The following CAB39L variants were observed in gnomAD, a reference collection of about 807,000 sequenced individuals.
The protein encoded by CAB39L is calcium binding protein 39 like.
A neutral mutation model predicts 39.1 loss-of-function variants in CAB39L; 23 were observed. The observed-to-expected ratio is 0.59, with a 90% CI of 0.42 to 0.83. The LOEUF is 0.83. Ranked by LOEUF, CAB39L falls within the 40% of genes least tolerant of loss-of-function variation. The probability of loss-of-function intolerance (pLI) is 0.00; values close to 1 mark genes in which losing one functional copy is unlikely to be tolerated. For synonymous variants in CAB39L, 126 were observed against 137.2 expected (o/e 0.92, Z 0.57); for missense variants, 366 against 391.9 (o/e 0.93, Z 0.56).
At chr13:49,377,537 C>G (rs1239996650) in intron 4 of CAB39L, among the ~76,000 whole-genome samples, 3 of 87,048 alleles carry the variant, frequency 3.4e-5, no homozygotes, top group Non-Finnish European at 6.9e-5. Context: ...CAGTGCCTGC[C>G]ATTGCAGGCA....
chr13:49,407,377 A>C (rs1413834920), intron 3 of CAB39L, among the ~76,000 whole-genome samples: 2 of 152,210 alleles, frequency 1.3e-5, no homozygotes, highest in East Asian at 3.8e-4. Context: ...GCATACTCGT[A>C]CTATAACAAT....
chr13:49,331,836 C>T, intron 10 of CAB39L, 111 bp downstream of exon 10: 1 of 963,030 alleles, frequency 1.0e-6, no homozygotes, highest in Non-Finnish European at 1.6e-6. Context: ...ACAAAGACTG[C>T]CTATTTCATT....
chr13:49,360,985 C>T (rs187607621), intron 5 of CAB39L, among the ~76,000 whole-genome samples: 1 of 152,304 alleles, frequency 6.6e-6, no homozygotes, highest in East Asian at 1.9e-4. Flanking sequence ...CATACTAATA[C>T]AATGACATTG....
chr13:49,434,994 T>C (rs1196515262), intron 1 of CAB39L, among the ~76,000 whole-genome samples: 1 of 152,224 alleles, frequency 6.6e-6, no homozygotes, highest in East Asian at 1.9e-4. Context: ...GTTAAAACTA[T>C]AGAAACAACT....
intron 1 of CAB39L, among the ~76,000 whole-genome samples, chr13:49,438,965 T>G (rs538585879): frequency 3.3e-5 from 5 of 152,238 alleles, no homozygotes; most frequent in Non-Finnish European, 2.9e-5. Context: ...TTAAGTATAT[T>G]CAGTGTTACA....
chr13:49,330,746 C>G (rs1432879316), intron 10 of CAB39L, among the ~76,000 whole-genome samples: 3 of 150,410 alleles, frequency 2.0e-5, no homozygotes, highest in Non-Finnish European at 4.4e-5. Context: ...ATCTGGAACT[C>G]TCTGAATGCT....
intron 7 of CAB39L, among the ~76,000 whole-genome samples, chr13:49,345,642 G>A (rs1364930367): frequency 6.6e-6 from 1 of 152,046 alleles, no homozygotes; most frequent in Admixed American, 6.5e-5. Flanking sequence ...TTGGTGTCAT[G>A]CTTTCAAGCA....
intron 3 of CAB39L, among the ~76,000 whole-genome samples, chr13:49,422,615 T>C (rs1405861019): frequency 6.7e-6 from 1 of 148,724 alleles, no homozygotes; most frequent in African/African-American, 2.6e-5. Context: ...ATTTCTCCCT[T>C]AATTTTTTTT....
chr13:49,332,566 G>C (rs192543002), intron 9 of CAB39L, among the ~76,000 whole-genome samples: 26 of 151,960 alleles, frequency 1.7e-4, no homozygotes, highest in African/African-American at 6.3e-4. Context: ...CTGATATAAA[G>C]TCAGAAAAAA....
chr13:49,348,841 T>C (rs1955258084), intron 7 of CAB39L, among the ~76,000 whole-genome samples: 1 of 152,164 alleles, frequency 6.6e-6, no homozygotes, highest in South Asian at 2.1e-4. Flanking sequence ...CCCACCACTC[T>C]TTGGTCTTCT....
intron 7 of CAB39L, among the ~76,000 whole-genome samples, chr13:49,346,058 C>CATATATATATATGCTATATATAT (rs1555254546): frequency 0.011 from 743 of 66,436 alleles, 10 homozygotes; most frequent in South Asian, 0.055. Context: ...ATTCCTCCAG[C>CATATATATATATGCTATATATAT]ATATATATAT....
At chr13:49,329,544 A>AAAAAT (rs1555252274) in intron 10 of CAB39L, among the ~76,000 whole-genome samples, 10 of 33,830 alleles carry the variant, frequency 3.0e-4, no homozygotes, top group Non-Finnish European at 3.5e-4. Flanking sequence ...TAAAAAAAAA[A>AAAAAT]ATATATATAT....
At chr13:49,388,782 A>C (rs957364380) in intron 3 of CAB39L, among the ~76,000 whole-genome samples, 11 of 152,210 alleles carry the variant, frequency 7.2e-5, no homozygotes, top group African/African-American at 2.7e-4. Flanking sequence ...AGAAGTTAAA[A>C]AGGAAACTGC....
chr13:49,356,448 CATTT>C lies in CAB39L; in HGVS notation c.395+3262_395+3265del, dbSNP rs1955486276. Among the ~76,000 whole-genome samples, 5 of 152,162 alleles carry C rather than the reference CATTT, an allele frequency of 3.3e-5. No individual in the cohort carries two copies. In the South Asian group the frequency reaches 1.0e-3, roughly 32 times the overall value. On this transcript the variant is annotated intron_variant, in intron 6 of 10. Transcript: ENST00000409308. ...ATTTGCCTGAGCCAGAAGACAAATT[CATTT>C]AGAGTGAGTAAGTCCTTATTTATAA...
intron 3 of CAB39L, chr13:49,401,467 C>CA (rs2138656842): frequency 6.6e-6 from 1 of 152,318 alleles, no homozygotes; most frequent in East Asian, 1.9e-4. Flanking sequence ...CTTAATCTGT[C>CA]ACAGGCAGTT....
intron 7 of CAB39L, among the ~76,000 whole-genome samples, chr13:49,349,269 ATAT>A (rs1955270874): frequency 6.6e-6 from 1 of 152,080 alleles, no homozygotes; most frequent in South Asian, 2.1e-4. Flanking sequence ...GACTATATCG[ATAT>A]TATTGAAATA....
chr13:49,390,642 T>A (rs1956468901), intron 3 of CAB39L, among the ~76,000 whole-genome samples: 1 of 152,020 alleles, frequency 6.6e-6, no homozygotes, highest in Non-Finnish European at 1.5e-5. Flanking sequence ...ATCACATCCA[T>A]AAAATAAGAA....
At chr13:49,421,118 T>C (rs1322659701) in intron 3 of CAB39L, among the ~76,000 whole-genome samples, 2 of 152,124 alleles carry the variant, frequency 1.3e-5, no homozygotes, top group Non-Finnish European at 2.9e-5. Flanking sequence ...TTTCTTATTT[T>C]TGCTTTCTAT....
chr13:49,409,450 TA>T lies in CAB39L; in HGVS notation c.-32+23867del, dbSNP rs34396787. Among the ~76,000 whole-genome samples the T allele has an allele frequency of 4.1e-3, 587 of 143,466 alleles. 4 individuals are homozygous for T. Among genetic ancestry groups the T allele is most frequent in the East Asian group, 0.016 (79 of 4,912 alleles). 94.1% of individuals were successfully genotyped at this position (143,466 alleles called of 152,430 possible). A position where few individuals can be genotyped will look rare whatever the true frequency, so the allele number is the denominator to read the frequency against. On this transcript the variant is annotated intron_variant, in intron 3 of 10. Transcript: ENST00000409308. ...TAATAAAAGAGGTTTTTGTTTGCTTTAAAAAAAAAAAAAAAACCTTTCAACT... is the reference window on the plus strand; with the variant it reads ...TAATAAAAGAGGTTTTTGTTTGCTTTAAAAAAAAAAAAAAACCTTTCAACT...
Sources: allele counts gnomAD v4.1 joint callset (sites outside exome capture counted in the v4.1 genomes callset), GRCh38; gene constraint gnomAD v4.1.1; transcripts MANE v1.5; gene names NCBI Gene and HGNC (gene_info 2026-07-23, HGNC 2026-07-21).